CPPED1: variants seen among roughly 807,000 people sequenced by gnomAD.
CPPED1 encodes the protein calcineurin like phosphoesterase domain containing 1.
Under a neutral mutation model 28.0 loss-of-function variants are expected in CPPED1, and 28 were observed. The observed-to-expected ratio is 1.00, with a 90% CI of 0.74 to 1.37. The LOEUF (loss-of-function observed/expected upper bound fraction) is 1.37, where lower values mean the gene tolerates loss of function less well. Ranked by LOEUF, CPPED1 falls within the 40% of genes most tolerant of loss-of-function variation. The pLI is 0.00. For missense variants in CPPED1, 504 were observed against 416.5 expected (o/e 1.21, Z -1.83); for synonymous variants, 198 against 180.2 (o/e 1.10, Z -0.79).
chr16:12,727,138 TCAGTA>T (rs1203748067), intron 2 of CPPED1, among the ~76,000 whole-genome samples: 6 of 152,202 alleles, frequency 3.9e-5, no homozygotes, highest in African/African-American at 1.4e-4. Context: ...CACATTCAGT[TCAGTA>T]GAGTACAACC....
intron 1 of CPPED1, among the ~76,000 whole-genome samples, chr16:12,797,035 A>C (rs2080631577): frequency 6.6e-6 from 1 of 152,170 alleles, no homozygotes; most frequent in Non-Finnish European, 1.5e-5. Context: ...TTAACATGAA[A>C]TGTCCGGAAA....
chr16:12,755,861 G>C (rs8050678), intron 2 of CPPED1, among the ~76,000 whole-genome samples: 1,799 of 152,010 alleles, frequency 0.012, 21 homozygotes, highest in Middle Eastern at 0.048. Context: ...TGCTGGGTAC[G>C]GTGGCTCACG....
At chr16:12,744,293 AGAGAAAGCAAGCAAGCAAGCAAGC>A (rs1434883789) in intron 2 of CPPED1, among the ~76,000 whole-genome samples, 5 of 117,672 alleles carry the variant, frequency 4.2e-5, no homozygotes, top group African/African-American at 1.9e-4. Flanking sequence ...AGAGAGAGAG[AGAGAAAGCAAGCAAGCAAGCAAGC>A]AAGCAAGCAA....
At position 12,766,247 on chromosome 16, in the gene CPPED1, A is replaced by G. The variant is rs1471729016; in HGVS notation, c.289+14938T>C. On this transcript the variant is annotated intron_variant, in intron 2 of 3. Transcript: ENST00000381774. ...ATCTCTACAAAAAAAATACAAATAT[A>G]TATATATATAGAGAGAGAGAGAGAG... Among the ~76,000 whole-genome samples, 4 of 136,030 alleles carry G rather than the reference A, an allele frequency of 2.9e-5. No individual in the cohort carries two copies. The East Asian group carries it at 7.9e-4, about 27-fold the overall frequency. The allele number at this position is 136,030 out of a possible 152,430, so 89.2% of individuals were successfully genotyped here. A position where few individuals can be genotyped will look rare whatever the true frequency, so the allele number is the denominator to read the frequency against.
In CPPED1 at chr16:12,680,742, G is replaced by C. The variant is rs569793679; in HGVS notation, c.716-15627C>G. Among the ~76,000 whole-genome samples the C allele has an allele frequency of 1.4e-4, 21 of 152,286 alleles. No homozygotes were observed. The South Asian group carries it at 4.4e-3, about 32-fold the overall frequency. ...AAGCAGCTCTGCCCCTGTGAGACCT[G>C]GGGTGGGCTGTAGGGGCAATATCTC... On this transcript the variant is annotated intron_variant, in intron 3 of 3. Coordinates refer to ENST00000381774, the MANE Select transcript of CPPED1 (RefSeq NM_018340.3).
rs146441194 is a variant in CPPED1, at chr16:12,775,388, A to G, written c.289+5797T>C. The stretch of plus-strand genomic sequence containing the variant: ...CATTTTCACCATGTCATCTATGGGT[A>G]CTTTTCCTGCAGCACTGCCATCATC... On this transcript the variant is annotated intron_variant, in intron 2 of 3. Transcript: ENST00000381774. Among the ~76,000 whole-genome samples the G allele has an allele frequency of 1.3e-3, 195 of 152,346 alleles. 3 individuals are homozygous for G. Among genetic ancestry groups the G allele is most frequent in the African/African-American group, 4.4e-3 (183 of 41,586 alleles).
chr16:12,756,161 A>G (rs570354951), intron 2 of CPPED1, among the ~76,000 whole-genome samples: 1 of 151,650 alleles, frequency 6.6e-6, no homozygotes, highest in South Asian at 2.1e-4. Context: ...AAGTTGGTTC[A>G]GCTCTAGGCC....
chr16:12,708,717 C>T (rs563509424), intron 2 of CPPED1, among the ~76,000 whole-genome samples: 4 of 152,320 alleles, frequency 2.6e-5, no homozygotes, highest in African/African-American at 7.2e-5. Context: ...TGTAGGGTTA[C>T]GTACTATATT....
chr16:12,738,784 C>T (rs1175726176), intron 2 of CPPED1, among the ~76,000 whole-genome samples: 1 of 152,116 alleles, frequency 6.6e-6, no homozygotes, highest in East Asian at 1.9e-4. Context: ...TCTAGTTAGG[C>T]CCCAAATATA....
At chr16:12,673,037 A>G (rs1008160101) in intron 3 of CPPED1, among the ~76,000 whole-genome samples, 3 of 151,978 alleles carry the variant, frequency 2.0e-5, no homozygotes, top group African/African-American at 4.8e-5. Context: ...AGAAAAGAGA[A>G]AAAAAAAGAA....
intron 3 of CPPED1, among the ~76,000 whole-genome samples, chr16:12,678,084 A>G (rs2079886971): frequency 6.6e-6 from 1 of 152,258 alleles, no homozygotes; most frequent in African/African-American, 2.4e-5. Context: ...AGTTCAGCCA[A>G]GAGTTCTTGA....
chr16:12,784,009 A>T (rs145687328), intron 1 of CPPED1, among the ~76,000 whole-genome samples: 36 of 151,856 alleles, frequency 2.4e-4, no homozygotes, highest in Admixed American at 2.0e-3. Flanking sequence ...CCTGATATTC[A>T]CATCCCTGTG....
chr16:12,803,694 G>C lies in CPPED1; in HGVS notation c.70+13C>G, dbSNP rs2080675184. The stretch of plus-strand genomic sequence containing the variant: ...CCCCAGAGTCCCCTCCCCGGGTGAG[G>C]GGCGGGCAGTACCTGCGGGAAACGC... On this transcript the variant is annotated intron_variant, in intron 1 of 3. Coordinates refer to ENST00000381774, the MANE Select transcript of CPPED1 (RefSeq NM_018340.3). 6 of 1,552,214 alleles carry C rather than the reference G, an allele frequency of 3.9e-6. No homozygotes were observed. The highest frequency in any genetic ancestry group is 5.1e-5 in the East Asian group (2 of 38,992).
chr16:12,768,925 G>A (rs8058631), intron 2 of CPPED1, among the ~76,000 whole-genome samples: 31,870 of 150,216 alleles, frequency 0.21, 3,943 homozygotes, highest in East Asian at 0.29. Flanking sequence ...CAGTGCAGTG[G>A]CACGATCTCG....
chr16:12,691,803 G>T (rs2079964394), intron 3 of CPPED1, among the ~76,000 whole-genome samples: 1 of 105,296 alleles, frequency 9.5e-6, no homozygotes, highest in African/African-American at 5.5e-5. Context: ...CACACGCTGG[G>T]GACTGTTGTG....
chr16:12,754,873 A>G (rs1372009480), intron 2 of CPPED1, among the ~76,000 whole-genome samples: 1 of 152,110 alleles, frequency 6.6e-6, no homozygotes, highest in Admixed American at 6.6e-5. Flanking sequence ...TTAGGCCGGC[A>G]TGGTGGTGTG....
intron 3 of CPPED1, 83 bp downstream of exon 3, chr16:12,704,541 T>C (rs2080037415): frequency 3.5e-6 from 5 of 1,416,578 alleles, no homozygotes; most frequent in Non-Finnish European, 4.8e-6. Flanking sequence ...TTTGACACAT[T>C]GCAGAGAGAC....
intron 2 of CPPED1, 115 bp from the exon 3 acceptor site, chr16:12,705,164 C>T: frequency 8.8e-7 from 1 of 1,141,074 alleles, no homozygotes; most frequent in Non-Finnish European, 1.2e-6. Flanking sequence ...AAATCCACTC[C>T]ACCTAGCACA....
Position 12,742,196 on chromosome 16 carries a change from A to G in CPPED1, c.290-37147T>C, listed in dbSNP as rs542372501. Among the ~76,000 whole-genome samples, 95 of 152,326 alleles carry G rather than the reference A, an allele frequency of 6.2e-4. No homozygotes were observed. The Middle Eastern group carries it at 0.017, about 27-fold the overall frequency. ...GAAACGGCATTTTACATAACTACAG[A>G]CCTGTCTTTAACACACTGTAATCAC... On this transcript the variant is annotated intron_variant, in intron 2 of 3. Transcript: ENST00000381774.
Sources: allele counts gnomAD v4.1 joint callset (sites outside exome capture counted in the v4.1 genomes callset), GRCh38; gene constraint gnomAD v4.1.1; transcripts MANE v1.5; gene names NCBI Gene and HGNC (gene_info 2026-07-23, HGNC 2026-07-21).